Variants in GRHL2 observed in about 807,000 individuals in gnomAD.
GRHL2 encodes the protein grainyhead-like protein 2 homolog.
Under a neutral mutation model 83.8 loss-of-function variants are expected in GRHL2, and 21 were observed. The observed-to-expected ratio is 0.25, with a 90% CI of 0.18 to 0.36. The LOEUF (loss-of-function observed/expected upper bound fraction) is 0.36. Ranked by LOEUF, GRHL2 falls within the 10% of genes least tolerant of loss-of-function variation. The pLI, the probability that GRHL2 is intolerant of heterozygous loss-of-function variation, is 1.00. For synonymous variants in GRHL2, 280 were observed against 278.9 expected (o/e 1.00, Z -0.04); for missense variants, 623 against 781.8 (o/e 0.80, Z 2.42).
chr8:101,586,652 A>G (rs997332287), intron 7 of GRHL2, among the ~76,000 whole-genome samples: 3 of 152,196 alleles, frequency 2.0e-5, no homozygotes, highest in African/African-American at 7.2e-5. Flanking sequence ...GGATTTTTTT[A>G]ACCTTGAATC....
At chr8:101,605,462 AG>A (rs1421865800) in intron 8 of GRHL2, among the ~76,000 whole-genome samples, 1 of 152,236 alleles carries the variant, frequency 6.6e-6, no homozygotes, top group African/African-American at 2.4e-5. Flanking sequence ...AGCAATCTAT[AG>A]GGTACAACCT....
At position 101,570,266 on chromosome 8, in the gene GRHL2, A is replaced by G; in HGVS notation, c.679-73A>G. On this transcript the variant is annotated intron_variant, in intron 4 of 15. Transcript: ENST00000646743. ...CTAATGAGAGAATAAAATAGTTTGG[A>G]TACATTTATTATTATCATTTTTGCA... 5 of 1,127,296 alleles carry G rather than the reference A, an allele frequency of 4.4e-6. No individual in the cohort carries two copies. The Middle Eastern group carries it at 7.8e-4, about 176-fold the overall frequency. The allele number at this position is 1,127,296 out of a possible 1,614,324, so 69.8% of individuals were successfully genotyped here. A position where few individuals can be genotyped will look rare whatever the true frequency, so the allele number is the denominator to read the frequency against.
chr8:101,664,515 A>G lies in GRHL2; in HGVS notation c.1760A>G (p.Lys587Arg). The change falls in exon 15 of 16, where the codon AAA becomes AGA. Residue 587 changes from lysine to arginine, a missense_variant. Physicochemically the swap from Lys to Arg is conservative, Grantham distance 26. Transcript: ENST00000646743. ...GCAAAGCTTTACAAGAAAAGCAAAA[A>G]AGGGTAAGAAAGAAACTGAACTTAA... ...KIAKLYKKSK[K>R]GILVNMDDNI... 6.2e-7 allele frequency: 1 copy of G among 1,609,534 alleles called. No individual in the cohort carries two copies. Among genetic ancestry groups the G allele is most frequent in the Non-Finnish European group, 8.5e-7 (1 of 1,175,958 alleles).
intron 1 of GRHL2, among the ~76,000 whole-genome samples, chr8:101,527,077 T>C (rs1435780456): frequency 2.0e-5 from 3 of 152,192 alleles, no homozygotes; most frequent in Non-Finnish European, 4.4e-5. Flanking sequence ...ACTACAAATG[T>C]CAACAGAGGG....
intron 5 of GRHL2, 139 bp downstream of exon 5, chr8:101,570,533 T>G (rs1811800786): frequency 1.3e-5 from 10 of 755,604 alleles, no homozygotes; most frequent in Non-Finnish European, 2.1e-5. Flanking sequence ...AGTGCTTTTT[T>G]CTTTATACAA....
chr8:101,647,679 G>A (rs1200050748), intron 13 of GRHL2, among the ~76,000 whole-genome samples: 2 of 151,942 alleles, frequency 1.3e-5, no homozygotes, highest in African/African-American at 4.8e-5. Flanking sequence ...TATTTAATTG[G>A]TGTTTTACTT....
intron 1 of GRHL2, among the ~76,000 whole-genome samples, chr8:101,526,100 C>T (rs1486328583): frequency 1.3e-5 from 2 of 152,246 alleles, no homozygotes; most frequent in Non-Finnish European, 2.9e-5. Flanking sequence ...TCTGCCTCTT[C>T]ATTCAATCTA....
At chr8:101,628,691 A>G (rs1041282933) in intron 9 of GRHL2, among the ~76,000 whole-genome samples, 1 of 152,120 alleles carries the variant, frequency 6.6e-6, no homozygotes, top group African/African-American at 2.4e-5. Context: ...AGATGCCATT[A>G]AAAACATTCA....
In GRHL2 at chr8:101,599,303, G is replaced by T. The variant is rs550910314; in HGVS notation, c.1098+152G>T. The T allele has an allele frequency of 1.3e-4, 91 of 685,038 alleles. No individual in the cohort carries two copies. The East Asian group carries it at 2.0e-3, about 15-fold the overall frequency. The allele number at this position is 685,038 out of a possible 1,614,324, so 42.4% of individuals were successfully genotyped here. A position where few individuals can be genotyped will look rare whatever the true frequency, so the allele number is the denominator to read the frequency against. ...TGTGGAGGGTAAGGGAGAAAAGGGA[G>T]TGTGCTCCTCTGTGGCTTCCTGTAG... is the stretch of plus-strand genomic sequence containing the variant. On this transcript the variant is annotated intron_variant, in intron 8 of 15. Coordinates refer to ENST00000646743, the MANE Select transcript of GRHL2 (RefSeq NM_024915.4).
At chr8:101,504,822 G>A (rs1008521322) in intron 1 of GRHL2, among the ~76,000 whole-genome samples, 6 of 151,944 alleles carry the variant, frequency 3.9e-5, no homozygotes, top group Admixed American at 1.3e-4. Context: ...TTTACTGCAC[G>A]CGTCTTTAAT....
rs1477297614 is a variant in GRHL2, at chr8:101,609,529, A to C, written c.1099-10010A>C. Among the ~76,000 whole-genome samples, 2 of 151,100 alleles carry C rather than the reference A, an allele frequency of 1.3e-5. 1 individual carries two copies. The highest frequency in any genetic ancestry group is 4.9e-5 in the African/African-American group (2 of 40,478). On this transcript the variant is annotated intron_variant, in intron 8 of 15. Coordinates refer to ENST00000646743, the MANE Select transcript of GRHL2 (RefSeq NM_024915.4). The stretch of plus-strand genomic sequence containing the variant: ...AGCAATTTCAGAAGTAAATTTATAC[A>C]CGCACATGTGAACAAAAGCCACGTA...
At chr8:101,563,167 T>C (rs1171772328) in intron 4 of GRHL2, among the ~76,000 whole-genome samples, 1 of 152,122 alleles carries the variant, frequency 6.6e-6, no homozygotes, top group Non-Finnish European at 1.5e-5. Context: ...ATGCTCATGG[T>C]TATTTAGCAG....
chr8:101,673,467 A>C (rs1474475583), downstream of GRHL2, among the ~76,000 whole-genome samples: 1 of 149,304 alleles, frequency 6.7e-6, no homozygotes, highest in Non-Finnish European at 1.5e-5. Flanking sequence ...GCCATTATAT[A>C]ATGGTAAAGG....
chr8:101,595,060 A>C (rs549153937), intron 7 of GRHL2, among the ~76,000 whole-genome samples: 1 of 152,320 alleles, frequency 6.6e-6, no homozygotes, highest in African/African-American at 2.4e-5. Context: ...ATACTTATTT[A>C]TATTCTGTCT....
At chr8:101,662,351 G>A (rs777090936) in intron 14 of GRHL2, among the ~76,000 whole-genome samples, 15 of 152,166 alleles carry the variant, frequency 9.9e-5, no homozygotes, top group Non-Finnish European at 1.5e-4. Flanking sequence ...CCTTCTGCTC[G>A]CCCAGCTCTC....
Position 101,558,692 on chromosome 8 carries a change from C to T in GRHL2, c.558C>T (p.Ile186=), listed in dbSNP as rs764647109. The change falls in exon 4 of 16, where the codon ATC becomes ATT. Residue 186 remains isoleucine (I), a synonymous_variant. Transcript: ENST00000646743. ...ATGGGGAAGAGCAACGAGTGGTTAT[C>T]TTTGAACAGACTCAGTATGACGTGC... is the stretch of plus-strand genomic sequence containing the variant. ...RGDGEEQRVV[I]FEQTQYDVPS... 6.2e-7 allele frequency: 1 copy of T among 1,614,072 alleles called. No homozygotes were observed. The highest frequency in any genetic ancestry group is 1.3e-5 in the African/African-American group (1 of 74,920).
the GRHL2 span, among the ~76,000 whole-genome samples, chr8:101,679,794 T>G: frequency 1.4e-5 from 2 of 147,868 alleles, no homozygotes; most frequent in African/African-American, 2.5e-5. Context: ...GAAAAGAATT[T>G]TCAACCCAGA....
intron 1 of GRHL2, among the ~76,000 whole-genome samples, chr8:101,530,416 T>G (rs1451346395): frequency 2.0e-5 from 3 of 152,232 alleles, no homozygotes. Flanking sequence ...AAACTGACTC[T>G]CTCTTTAATT....
At chr8:101,525,978 C>A (rs2130064162) in intron 1 of GRHL2, among the ~76,000 whole-genome samples, 1 of 152,214 alleles carries the variant, frequency 6.6e-6, no homozygotes, top group Non-Finnish European at 1.5e-5. Flanking sequence ...AAAAGTAAAA[C>A]CCAAACTAAA....
Sources: gnomAD v4.1 joint callset for allele counts (sites outside exome capture counted in the v4.1 genomes callset) on GRCh38, gnomAD v4.1.1 for gene constraint, MANE v1.5 for transcripts, NCBI Gene and HGNC (gene_info 2026-07-23, HGNC 2026-07-21) for gene names.